The following INVS variants were observed in gnomAD, a reference collection of about 807,000 sequenced individuals.
The protein encoded by INVS is inversin.
A neutral mutation model predicts 108.8 loss-of-function variants in INVS; 86 were observed. The ratio of observed to expected loss-of-function variants is 0.79; its 90% confidence interval spans 0.66 to 0.95. INVS has a LOEUF of 0.95. Ranked by LOEUF, INVS falls within the 40% of genes least tolerant of loss-of-function variation. The probability of loss-of-function intolerance (pLI) is 0.00; values close to 1 mark genes in which losing one functional copy is unlikely to be tolerated. For missense variants in INVS, 1,169 were observed against 1,297.4 expected (o/e 0.90, Z 1.52); for synonymous variants, 455 against 473.5 (o/e 0.96, Z 0.51).
intron 12 of INVS, among the ~76,000 whole-genome samples, chr9:100,282,359 A>C (rs938878933): frequency 5.9e-5 from 9 of 151,874 alleles, no homozygotes; most frequent in East Asian, 1.9e-4. Flanking sequence ...TCAAATAAAA[A>C]CACTAGAGCT....
At chr9:100,162,222 G>A (rs1829214041) in intron 3 of INVS, among the ~76,000 whole-genome samples, 1 of 152,038 alleles carries the variant, frequency 6.6e-6, no homozygotes, top group Non-Finnish European at 1.5e-5. Context: ...TAGTCATTTG[G>A]GTCCATCATG....
intron 2 of INVS, chr9:100,117,448 G>A: frequency 1.3e-6 from 1 of 790,262 alleles, no homozygotes; most frequent in East Asian, 2.4e-5. Flanking sequence ...GCTTGGTGAC[G>A]GGCATGCACT....
chr9:100,262,149 G>A (rs150056014), intron 10 of INVS, among the ~76,000 whole-genome samples: 11 of 150,400 alleles, frequency 7.3e-5, no homozygotes, highest in East Asian at 3.9e-4. Flanking sequence ...AGATTTTTGC[G>A]TCTATGTTTA....
rs190870787 is a variant in INVS, at chr9:100,255,628, T to G, written c.1464+2492T>G. ...ATTGAGAGTTTTTAGCAGGAAGGGCTGTTGGATTTTGTCAAAGGCCTTTTC... is the reference window on the plus strand; with the variant it reads ...ATTGAGAGTTTTTAGCAGGAAGGGCGGTTGGATTTTGTCAAAGGCCTTTTC... On this transcript the variant is annotated intron_variant, in intron 10 of 16. Transcript: ENST00000262457. Among the ~76,000 whole-genome samples the G allele has an allele frequency of 1.1e-3, 175 of 152,312 alleles. 1 individual carries two copies. The highest frequency in any genetic ancestry group is 4.1e-3 in the African/African-American group (171 of 41,580).
intron 3 of INVS, among the ~76,000 whole-genome samples, chr9:100,196,310 C>T (rs1225728909): frequency 3.3e-5 from 5 of 152,256 alleles, no homozygotes; most frequent in Non-Finnish European, 2.9e-5. Context: ...GTCCTCAATT[C>T]TCCTTTGTCT....
At chr9:100,145,385 G>A (rs149153353) in intron 3 of INVS, among the ~76,000 whole-genome samples, 279 of 151,890 alleles carry the variant, frequency 1.8e-3, no homozygotes, top group African/African-American at 6.3e-3. Flanking sequence ...AAGGGATGGG[G>A]TGCAGAGATA....
chr9:100,148,066 C>T (rs964420372), intron 3 of INVS, among the ~76,000 whole-genome samples: 8 of 151,068 alleles, frequency 5.3e-5, no homozygotes, highest in Non-Finnish European at 7.4e-5. Context: ...GCAACGTGCA[C>T]CTGTAATCCC....
At chr9:100,202,865 T>C (rs1830571119) in intron 3 of INVS, among the ~76,000 whole-genome samples, 1 of 152,250 alleles carries the variant, frequency 6.6e-6, no homozygotes, top group South Asian at 2.1e-4. Context: ...TGTGCATGAC[T>C]GCACTTGGAA....
At position 100,221,305 on chromosome 9, in the gene INVS, AT is replaced by A. The variant is rs67905235; in HGVS notation, c.274-4741del. Among the ~76,000 whole-genome samples, 727 of 145,364 alleles carry A rather than the reference AT, an allele frequency of 5.0e-3. 6 individuals carry two copies. The highest frequency in any genetic ancestry group is 0.024 in the East Asian group (120 of 4,934). The stretch of plus-strand genomic sequence containing the variant: ...AAAGATTGAATTTGCATACAGGACA[AT>A]TTTTTTTTTTTTTTTGAGACAGGGT... On this transcript the variant is annotated intron_variant, in intron 3 of 16. Transcript: ENST00000262457.
chr9:100,257,279 C>T (rs982550586), intron 10 of INVS, among the ~76,000 whole-genome samples: 3 of 152,136 alleles, frequency 2.0e-5, no homozygotes, highest in Non-Finnish European at 4.4e-5. Flanking sequence ...TTCCTCCATC[C>T]CTTTATTTTG....
At chr9:100,203,063 C>A (rs1319943654) in intron 3 of INVS, among the ~76,000 whole-genome samples, 1 of 152,184 alleles carries the variant, frequency 6.6e-6, no homozygotes, top group Non-Finnish European at 1.5e-5. Flanking sequence ...GATATTTCAC[C>A]ATAGCTCTCA....
intron 14 of INVS, among the ~76,000 whole-genome samples, chr9:100,296,365 G>A (rs1453566873): frequency 6.6e-6 from 1 of 152,132 alleles, no homozygotes; most frequent in Non-Finnish European, 1.5e-5. Flanking sequence ...ACTTATCTTA[G>A]TAAGATGCAG....
intron 12 of INVS, among the ~76,000 whole-genome samples, chr9:100,275,931 G>A (rs1363875960): frequency 6.6e-6 from 1 of 152,172 alleles, no homozygotes; most frequent in African/African-American, 2.4e-5. Context: ...ACACGGTTGA[G>A]TGTACACTAA....
chr9:100,164,742 C>G lies in INVS; in HGVS notation c.273+38193C>G, dbSNP rs572702814. ...AATGGCCAATTGATGTTCCAATTACCATTGTCTCATAAATGTCATAAATGT... is the reference window on the plus strand; with the variant it reads ...AATGGCCAATTGATGTTCCAATTACGATTGTCTCATAAATGTCATAAATGT... On this transcript the variant is annotated intron_variant, in intron 3 of 16. Coordinates refer to ENST00000262457, the MANE Select transcript of INVS (RefSeq NM_014425.5). Among the ~76,000 whole-genome samples, 11 of 152,176 alleles carry G rather than the reference C, an allele frequency of 7.2e-5. No homozygotes were observed. The South Asian group carries it at 2.3e-3, about 32-fold the overall frequency.
At chr9:100,224,482 A>C (rs936473737) in intron 3 of INVS, among the ~76,000 whole-genome samples, 3 of 152,232 alleles carry the variant, frequency 2.0e-5, no homozygotes, top group African/African-American at 7.2e-5. Context: ...ATGAGGAAAT[A>C]GATCTGAGAA....
At chr9:100,280,015 C>T (rs918264877) in intron 12 of INVS, among the ~76,000 whole-genome samples, 2 of 152,152 alleles carry the variant, frequency 1.3e-5, no homozygotes, top group Non-Finnish European at 1.5e-5. Flanking sequence ...AACCATCGTA[C>T]GTTCAAGTCA....
intron 3 of INVS, among the ~76,000 whole-genome samples, chr9:100,171,034 C>G (rs1238043966): frequency 6.6e-6 from 1 of 152,096 alleles, no homozygotes; most frequent in Non-Finnish European, 1.5e-5. Flanking sequence ...AGCAACTATG[C>G]TAAGTGGAGA....
intron 2 of INVS, among the ~76,000 whole-genome samples, chr9:100,112,399 A>G (rs1207097567): frequency 6.6e-6 from 1 of 152,222 alleles, no homozygotes; most frequent in African/African-American, 2.4e-5. Flanking sequence ...GTTACAAAGA[A>G]ACAATGTATG....
Position 100,099,271 on chromosome 9 carries a change from C to G in INVS, c.-170C>G. The G allele has an allele frequency of 6.2e-6, 1 of 161,896 alleles. No individual in the cohort carries two copies. Among genetic ancestry groups the G allele is most frequent in the South Asian group, 1.3e-4 (1 of 7,628 alleles). 10.0% of individuals were successfully genotyped at this position (161,896 alleles called of 1,614,324 possible). A position where few individuals can be genotyped will look rare whatever the true frequency, so the allele number is the denominator to read the frequency against. On this transcript the variant is annotated 5_prime_UTR_variant, in exon 1 of 17. Transcript: ENST00000262457. ...AGGATGTGCGGCCGAAAGCCTCGGG[C>G]GGCCTTTTGAGGGGCTCGGCTAGCT...
Sources: gnomAD v4.1 joint callset for allele counts (sites outside exome capture counted in the v4.1 genomes callset) on GRCh38, gnomAD v4.1.1 for gene constraint, MANE v1.5 for transcripts, NCBI Gene and HGNC (gene_info 2026-07-23, HGNC 2026-07-21) for gene names.